JAK1: variants seen among roughly 807,000 people sequenced by gnomAD.
JAK1 encodes Janus kinase 1, also known as tyrosine-protein kinase JAK1.
JAK1 carries 16 observed loss-of-function variants against 136.6 expected under a neutral mutation model. The ratio of observed to expected loss-of-function variants is 0.12; its 90% CI spans 0.08 to 0.18. JAK1 has a LOEUF of 0.18. Ranked by LOEUF, JAK1 falls within the 10% of genes least tolerant of loss-of-function variation. The pLI is 1.00. For synonymous variants in JAK1, 492 were observed against 519.5 expected (o/e 0.95, Z 0.72); for missense variants, 859 against 1,450.1 (o/e 0.59, Z 6.62).
At chr1:64,873,254 G>C in intron 5 of JAK1, 116 bp downstream of exon 5, 1 of 1,218,654 alleles carries the variant, frequency 8.2e-7, no homozygotes, top group Non-Finnish European at 1.2e-6. Context: ...AACTTACCCA[G>C]AACAGGCCTT....
chr1:64,942,572 T>C (rs61784752), intron 1 of JAK1, among the ~76,000 whole-genome samples: 10,843 of 152,228 alleles, frequency 0.071, 504 homozygotes, highest in South Asian at 0.11. Context: ...AATCTCTAAT[T>C]AAATCAAGAG....
chr1:65,035,082 A>AAATAAATAAATAAATAAAT (rs751690684), intron 2 of JAK1, among the ~76,000 whole-genome samples: 2 of 148,968 alleles, frequency 1.3e-5, no homozygotes, highest in African/African-American at 4.9e-5. Context: ...ATAAATAAAT[A>AAATAAATAAATAAATAAAT]AATAAATAAT....
intron 3 of JAK1, among the ~76,000 whole-genome samples, chr1:64,881,480 A>T (rs916892274): frequency 1.3e-5 from 2 of 152,032 alleles, no homozygotes; most frequent in African/African-American, 4.8e-5. Context: ...ACTAAACAAA[A>T]CTTTACCCCA....
intron 2 of JAK1, among the ~76,000 whole-genome samples, chr1:65,038,607 T>A (rs1253832347): frequency 6.6e-6 from 1 of 152,168 alleles, no homozygotes; most frequent in Non-Finnish European, 1.5e-5. Context: ...TTCACATAAC[T>A]TTTATGTCAA....
chr1:65,038,712 C>T (rs1016407924), intron 2 of JAK1, among the ~76,000 whole-genome samples: 1 of 152,114 alleles, frequency 6.6e-6, no homozygotes, highest in Admixed American at 6.5e-5. Flanking sequence ...GATCTTGGCT[C>T]ACTGCAACCT....
upstream of JAK1, among the ~76,000 whole-genome samples, chr1:64,967,121 T>C (rs952036114): frequency 2.6e-5 from 4 of 151,780 alleles, no homozygotes; most frequent in Admixed American, 1.3e-4. Context: ...ACCTAATGCA[T>C]GTACAGCGCT....
intron 2 of JAK1, among the ~76,000 whole-genome samples, chr1:65,037,522 A>C (rs1271536317): frequency 1.3e-5 from 2 of 152,320 alleles, no homozygotes; most frequent in Admixed American, 6.5e-5. Flanking sequence ...CAAGTTTCAG[A>C]ACTTAAAATA....
chr1:64,843,766 T>A (rs1655053865), intron 17 of JAK1, among the ~76,000 whole-genome samples: 1 of 152,196 alleles, frequency 6.6e-6, no homozygotes, highest in African/African-American at 2.4e-5. Context: ...AAATCTCAGA[T>A]AAATAATACT....
intron 1 of JAK1, among the ~76,000 whole-genome samples, chr1:64,905,254 A>AGAAG (rs1388436137): frequency 6.6e-6 from 1 of 152,216 alleles, no homozygotes; most frequent in Non-Finnish European, 1.5e-5. Context: ...ACGGTGACAG[A>AGAAG]GAAGGGGCAG....
intron 1 of JAK1, among the ~76,000 whole-genome samples, chr1:65,051,709 C>A (rs1327373389): frequency 6.6e-6 from 1 of 152,214 alleles, no homozygotes; most frequent in Non-Finnish European, 1.5e-5. Context: ...AGTGAAAATA[C>A]ATTTTCTACA....
At chr1:65,005,984 T>C (rs1052145853) in intron 2 of JAK1, among the ~76,000 whole-genome samples, 1 of 152,208 alleles carries the variant, frequency 6.6e-6, no homozygotes, top group African/African-American at 2.4e-5. Flanking sequence ...CAGACACCAG[T>C]CACACCCATT....
chr1:64,982,113 C>T lies in JAK1; in HGVS notation c.-78+62367G>A, dbSNP rs564073014. On this transcript the variant is annotated intron_variant, in intron 2 of 25. Transcript: ENST00000671954. ...ACACACACACACACGCACACACACA[C>T]GCACACACACGCACACACACACACA... Among the ~76,000 whole-genome samples, 75 of 147,554 alleles carry T rather than the reference C, an allele frequency of 5.1e-4. 3 individuals are homozygous for T. The East Asian group carries it at 0.013, about 26-fold the overall frequency.
intron 2 of JAK1, among the ~76,000 whole-genome samples, chr1:65,002,918 G>C (rs1028049441): frequency 6.6e-6 from 1 of 152,238 alleles, no homozygotes; most frequent in Admixed American, 6.5e-5. Context: ...AGGTCCCGGC[G>C]GGGAAGCGAT....
intron 1 of JAK1, among the ~76,000 whole-genome samples, chr1:65,051,489 A>T (rs908118079): frequency 1.3e-5 from 2 of 152,124 alleles, no homozygotes; most frequent in Non-Finnish European, 2.9e-5. Context: ...GGTTGATCAC[A>T]GGTAGACCCA....
In JAK1 at chr1:65,042,068, A is replaced by C. The variant is rs188096085; in HGVS notation, c.-78+2412T>G. On this transcript the variant is annotated intron_variant, in intron 2 of 25. Coordinates refer to the JAK1 transcript ENST00000671954. ...CAAAACAAAACAAAACAAAACAAAA[A>C]AATCTGGAAAAGAAAAACAAAACAA... 3.6e-4 allele frequency among the ~76,000 whole-genome samples: 55 copies of C among 152,220 alleles called. 3 individuals carry two copies. The East Asian group carries it at 9.6e-3, about 27-fold the overall frequency.
chr1:64,844,854 A>G lies in JAK1; in HGVS notation c.2151T>C (p.Thr717=). 1.2e-6 allele frequency: 2 copies of G among 1,614,230 alleles called. No individual in the cohort carries two copies. The highest frequency in any genetic ancestry group is 2.2e-5 in the South Asian group (2 of 91,090). ...CCTCACGGGCCAGGAGGAGGTTTTT[A>G]GTACACACATTTCCATGGACCAGGT... ...DKDLVHGNVC[T]KNLLLAREGI... The change falls in exon 16 of 25, where the codon ACT becomes ACC. Residue 717 remains threonine, a synonymous_variant. Transcript: ENST00000342505. The surrounding 1 kb of genome is among the most constrained non-coding windows in gnomAD (Gnocchi z 5.7).
intron 1 of JAK1, among the ~76,000 whole-genome samples, chr1:65,045,254 G>A (rs1647174129): frequency 6.6e-6 from 1 of 152,144 alleles, no homozygotes; most frequent in South Asian, 2.1e-4. Flanking sequence ...CTGATCTCTG[G>A]CCCAAAGCCA....
chr1:64,890,908 C>T (rs544694018), intron 1 of JAK1, among the ~76,000 whole-genome samples: 1 of 152,288 alleles, frequency 6.6e-6, no homozygotes, highest in East Asian at 1.9e-4. Flanking sequence ...ATTCTGGCGT[C>T]TCCACCGACT....
chr1:64,957,930 C>T (rs150216627), intron 1 of JAK1, among the ~76,000 whole-genome samples: 2 of 128,472 alleles, frequency 1.6e-5, no homozygotes, highest in Non-Finnish European at 3.3e-5. Context: ...GGCGAAAGAG[C>T]GAGACTCCGT....
Sources: allele counts gnomAD v4.1 joint callset (sites outside exome capture counted in the v4.1 genomes callset), GRCh38; gene constraint gnomAD v4.1.1; non-coding constraint Gnocchi (gnomAD v3.1); transcripts MANE v1.5; gene names NCBI Gene and HGNC (gene_info 2026-07-23, HGNC 2026-07-21).